F2: variants seen among roughly 807,000 people sequenced by gnomAD.
F2 encodes the protein prothrombin.
In F2, 34 loss-of-function variants were observed where a neutral mutation model predicts 81.9. The ratio of observed to expected loss-of-function variants is 0.42; its 90% CI spans 0.32 to 0.55. F2 has a LOEUF of 0.55. Ranked by LOEUF, F2 falls within the 20% of genes least tolerant of loss-of-function variation. The pLI is 0.18. For missense variants in F2, 630 were observed against 833.4 expected, an observed-to-expected ratio of 0.76 and a Z score of 3.00; for synonymous variants, 296 against 326.4, an observed-to-expected ratio of 0.91 and a Z score of 1.01.
intron 11 of F2, 47 bp from the exon 12 acceptor site, chr11:46,729,333 C>T (rs771992080): frequency 6.8e-5 from 108 of 1,595,038 alleles, no homozygotes; most frequent in Middle Eastern, 1.7e-4. Flanking sequence ...GGCCAGGCGG[C>T]TCCTGTGGGG....
In F2 at chr11:46,728,720, G is replaced by C; in HGVS notation, c.1355G>C (p.Arg452Thr). ...TTGGAAAAGATCTACATCCACCCCA[G>C]GTACAACTGGCGGGAGAACCTGGAC... Reference protein sequence around the residue: ...SMLEKIYIHPRYNWRENLDRD... With the variant: ...SMLEKIYIHPTYNWRENLDRD... Residue 452 changes from arginine (R) to threonine (T), a missense_variant, in exon 11 of 14, where the codon AGG (arginine) becomes ACG (threonine). Arg to Thr is a moderately conservative substitution (Grantham distance 71). Coordinates refer to ENST00000311907, the MANE Select transcript of F2 (RefSeq NM_000506.5). The surrounding 1 kb of genome is among the most constrained non-coding windows in gnomAD (Gnocchi z 5.1). 1 of 1,614,210 alleles carries C rather than the reference G, an allele frequency of 6.2e-7. No individual in the cohort carries two copies. The highest frequency in any genetic ancestry group is 8.5e-7 in the Non-Finnish European group (1 of 1,180,054).
chr11:46,727,776 C>T (rs2134534394), intron 9 of F2, among the ~76,000 whole-genome samples: 1 of 151,994 alleles, frequency 6.6e-6, no homozygotes, highest in South Asian at 2.1e-4. Flanking sequence ...GAGACCCTGT[C>T]TCAAAAATAA....
chr11:46,732,767 C>A (rs952589862), intron 12 of F2, among the ~76,000 whole-genome samples: 30 of 152,188 alleles, frequency 2.0e-4, no homozygotes, highest in African/African-American at 6.8e-4. Context: ...GTGGAAGTCC[C>A]TTCAAGCTGG....
Position 46,728,600 on chromosome 11 carries a change from C to T in F2, c.1299-64C>T, listed in dbSNP as rs1486539686. The T allele has an allele frequency of 7.6e-6, 12 of 1,585,288 alleles. No homozygotes were observed. The highest frequency in any genetic ancestry group is 6.7e-5 in the African/African-American group (5 of 74,446). On this transcript the variant is annotated intron_variant, in intron 10 of 13. Coordinates refer to ENST00000311907, the MANE Select transcript of F2 (RefSeq NM_000506.5). This position sits in a 1 kb window ranked among gnomAD's most constrained non-coding sequence, Gnocchi z 5.1. Reference sequence around the variant, plus strand: ...CTGTCTCCCAGACCCCAAGGGCAGGCAGTTTCCTGCTCCTTGCTGGGTGAA... The same window carrying T: ...CTGTCTCCCAGACCCCAAGGGCAGGTAGTTTCCTGCTCCTTGCTGGGTGAA...
At position 46,726,614 on chromosome 11, in the gene F2, T is replaced by A; in HGVS notation, c.991T>A (p.Ser331Thr). ...TTTCTTCAATCCGAGGACCTTTGGC[T>A]CGGGAGAGGCAGGTGAGGTAGTGGG... is the stretch of plus-strand genomic sequence containing the variant. ...QTFFNPRTFG[S>T]GEADCGLRPL... Residue 331 changes from serine to threonine, a missense_variant, in exon 8 of 14, where the codon TCG becomes ACG. Coordinates refer to ENST00000311907, the MANE Select transcript of F2 (RefSeq NM_000506.5). The surrounding 1 kb of genome is among the most constrained non-coding windows in gnomAD (Gnocchi z 5.9). 2 of 1,614,072 alleles carry A rather than the reference T, an allele frequency of 1.2e-6. No individual in the cohort carries two copies. The highest frequency in any genetic ancestry group is 1.7e-6 in the Non-Finnish European group (2 of 1,179,980).
chr11:46,727,280 C>T (rs2064880652), intron 9 of F2, among the ~76,000 whole-genome samples: 1 of 152,134 alleles, frequency 6.6e-6, no homozygotes, highest in Non-Finnish European at 1.5e-5. Context: ...CCTCAGCCTC[C>T]CAAAGTGCCG....
intron 6 of F2, among the ~76,000 whole-genome samples, chr11:46,724,230 G>T (rs538742733): frequency 1.3e-5 from 2 of 152,298 alleles, no homozygotes; most frequent in African/African-American, 4.8e-5. Context: ...AGTAGCTATA[G>T]CCACCCCTTC....
rs746027818 is a variant in F2 at position 46,739,269 on chromosome 11, C to G, written c.1730C>G (p.Pro577Arg). The change falls in exon 14 of 14, where the codon CCC becomes CGC. Residue 577 changes from proline to arginine, a missense_variant. Physicochemically the swap from Pro to Arg is moderately radical, Grantham distance 103. Coordinates refer to ENST00000311907, the MANE Select transcript of F2 (RefSeq NM_000506.5). ...DSGGPFVMKSPFNNRWYQMGI... is the reference protein window; with the variant it reads ...DSGGPFVMKSRFNNRWYQMGI... ...AACCTCATCTTTCTTCTTCAGAGCC[C>G]CTTTAACAACCGCTGGTATCAAATG... 1.2e-6 allele frequency: 2 copies of G among 1,614,112 alleles called. No homozygotes were observed. Among genetic ancestry groups the G allele is most frequent in the South Asian group, 2.2e-5 (2 of 91,074 alleles).
Position 46,723,821 on chromosome 11 carries a change from C to T in F2, c.559+303C>T, listed in dbSNP as rs1282107525. On this transcript the variant is annotated intron_variant, in intron 6 of 13. Transcript: ENST00000311907. The surrounding 1 kb of genome is among the most constrained non-coding windows in gnomAD (Gnocchi z 5.6). ...ACGAGAATCGCTTGAACCCGGGAGG[C>T]GGAGTTTGCAGTGAGCTGAGATCCT... is the stretch of plus-strand genomic sequence containing the variant. Among the ~76,000 whole-genome samples the T allele has an allele frequency of 2.6e-5, 4 of 152,040 alleles. No individual in the cohort carries two copies. The highest frequency in any genetic ancestry group is 4.4e-5 in the Non-Finnish European group (3 of 68,006).
Position 46,719,758 on chromosome 11 carries a change from A to G in F2, c.136A>G (p.Thr46Ala), listed in dbSNP as rs2134523337. 1 of 1,597,146 alleles carries G rather than the reference A, an allele frequency of 6.3e-7. No individual in the cohort carries two copies. Among genetic ancestry groups the G allele is most frequent in the South Asian group, 1.1e-5 (1 of 87,632 alleles). The change falls in exon 2 of 14, where the codon ACC (threonine) becomes GCC (alanine). Residue 46 changes from threonine (T) to alanine (A), a missense_variant. Coordinates refer to ENST00000311907, the MANE Select transcript of F2 (RefSeq NM_000506.5). This position sits in a 1 kb window ranked among gnomAD's most constrained non-coding sequence, Gnocchi z 4.7. ...SLLQRVRRAN[T>A]FLEEVRKGNL... is the part of the protein sequence containing the mutation. ...GCTCCAGCGGGTCCGGCGAGCCAAC[A>G]CCTTCTTGGAGGAGGTGCGCAAGGG...
In F2 at chr11:46,726,568, C is replaced by T. The variant is rs756817179; in HGVS notation, c.945C>T (p.Thr315=). ...EDSDRAIEGR[T]ATSEYQTFFN... ...CAGACAGGGCCATCGAAGGGCGTAC[C>T]GCCACCAGTGAGTACCAGACTTTCT... The change falls in exon 8 of 14, where the codon ACC becomes ACT. Residue 315 remains threonine, a synonymous_variant. Coordinates refer to ENST00000311907, the MANE Select transcript of F2 (RefSeq NM_000506.5). The surrounding 1 kb of genome is among the most constrained non-coding windows in gnomAD (Gnocchi z 5.9). 9 of 1,614,060 alleles carry T rather than the reference C, an allele frequency of 5.6e-6. No homozygotes were observed. Among genetic ancestry groups the T allele is most frequent in the East Asian group, 4.5e-5 (2 of 44,876 alleles).
rs144587241 is a variant in F2, at chr11:46,728,174, G to A, written c.1298+11G>A. On this transcript the variant is annotated intron_variant, in intron 10 of 13. Coordinates refer to ENST00000311907, the MANE Select transcript of F2 (RefSeq NM_000506.5). This position sits in a 1 kb window ranked among gnomAD's most constrained non-coding sequence, Gnocchi z 5.1. The stretch of plus-strand genomic sequence containing the variant: ...GCACTCCCGCACCAGGTACAGAACT[G>A]GTGGCCCGTGGGTGTCTGGCAGGGG... 6.2e-7 allele frequency: 1 copy of A among 1,603,654 alleles called. No individual in the cohort carries two copies. The highest frequency in any genetic ancestry group is 1.1e-5 in the South Asian group (1 of 88,504).
At chr11:46,731,327 C>A (rs559872091) in intron 12 of F2, among the ~76,000 whole-genome samples, 1 of 149,830 alleles carries the variant, frequency 6.7e-6, no homozygotes, top group African/African-American at 2.5e-5. Flanking sequence ...CCTGCCACCA[C>A]GCCCGGCTAA....
At chr11:46,738,994 C>A in intron 12 of F2, 54 bp from the exon 13 acceptor site, 1 of 1,590,198 alleles carries the variant, frequency 6.3e-7, no homozygotes, top group Non-Finnish European at 8.6e-7. Context: ...CGTGAAGGGG[C>A]GTGGCTGGGC....
At chr11:46,737,965 T>G (rs1308422557) in intron 12 of F2, among the ~76,000 whole-genome samples, 2 of 151,944 alleles carry the variant, frequency 1.3e-5, no homozygotes, top group African/African-American at 4.8e-5. Context: ...GCCTCCCACG[T>G]AGCTAGGATC....
In F2 at chr11:46,719,682, ACC is replaced by A; in HGVS notation, c.80-14_80-13del. Reference sequence around the variant, plus strand: ...CTGTTCCTGAGGCCGCTGTCCCATGACCCCCCCACCGCCTTACAGTGTTCCTG... The same window carrying A: ...CTGTTCCTGAGGCCGCTGTCCCATGACCCCCACCGCCTTACAGTGTTCCTG... On this transcript the variant is annotated intron_variant, in intron 1 of 13. Transcript: ENST00000311907. This position sits in a 1 kb window ranked among gnomAD's most constrained non-coding sequence, Gnocchi z 4.7. 1 of 1,575,916 alleles carries A rather than the reference ACC, an allele frequency of 6.3e-7. No individual in the cohort carries two copies. Among genetic ancestry groups the A allele is most frequent in the Non-Finnish European group, 8.6e-7 (1 of 1,162,254 alleles).
chr11:46,732,554 C>G (rs568848992), intron 12 of F2, among the ~76,000 whole-genome samples: 5 of 151,846 alleles, frequency 3.3e-5, no homozygotes, highest in Non-Finnish European at 4.4e-5. Context: ...TGTGCCACCA[C>G]GCCTGGCTAA....
Position 46,739,368 on chromosome 11 carries a change from A to G in F2, c.1829A>G (p.Lys610Arg), listed in dbSNP as rs1240344414. The change falls in exon 14 of 14, where the codon AAG becomes AGG. Residue 610 changes from lysine to arginine, a missense_variant. Transcript: ENST00000311907. ...TTCTACACACATGTGTTCCGCCTGA[A>G]GAAGTGGATACAGAAGGTCATTGAT... Reference protein sequence around the residue: ...YGFYTHVFRLKKWIQKVIDQF... With the variant: ...YGFYTHVFRLRKWIQKVIDQF... 1 of 1,614,198 alleles carries G rather than the reference A, an allele frequency of 6.2e-7. No homozygotes were observed. Among genetic ancestry groups the G allele is most frequent in the Non-Finnish European group, 8.5e-7 (1 of 1,180,028 alleles).
Position 46,728,239 on chromosome 11 carries a change from T to A in F2, c.1298+76T>A. 6.8e-7 allele frequency: 1 copy of A among 1,460,936 alleles called. No homozygotes were observed. The highest frequency in any genetic ancestry group is 9.4e-7 in the Non-Finnish European group (1 of 1,062,430). The allele number at this position is 1,460,936 out of a possible 1,614,324, so 90.5% of individuals were successfully genotyped here. A position where few individuals can be genotyped will look rare whatever the true frequency, so the allele number is the denominator to read the frequency against. The stretch of plus-strand genomic sequence containing the variant: ...AGCGATCATGAGGGGCCCTGGTGGC[T>A]CCGGGACACATAGGATGTTCTGTAT... On this transcript the variant is annotated intron_variant, in intron 10 of 13. Coordinates refer to ENST00000311907, the MANE Select transcript of F2 (RefSeq NM_000506.5). The surrounding 1 kb of genome is among the most constrained non-coding windows in gnomAD (Gnocchi z 5.1).
Sources: allele counts gnomAD v4.1 joint callset (sites outside exome capture counted in the v4.1 genomes callset), GRCh38; gene constraint gnomAD v4.1.1; non-coding constraint Gnocchi (gnomAD v3.1); transcripts MANE v1.5; gene names NCBI Gene and HGNC (gene_info 2026-07-23, HGNC 2026-07-21).